TBCA: variants seen among roughly 807,000 people sequenced by gnomAD.
TBCA encodes tubulin folding cofactor A, also known as tubulin-specific chaperone A.
A neutral mutation model predicts 15.8 loss-of-function variants in TBCA; 6 were observed. The ratio of observed to expected loss-of-function variants is 0.38; its 90% confidence interval spans 0.21 to 0.75. The LOEUF is 0.75. Ranked by LOEUF, TBCA falls within the 30% of genes least tolerant of loss-of-function variation. The probability of loss-of-function intolerance (pLI) is 0.46; values close to 1 mark genes in which losing one functional copy is unlikely to be tolerated. For synonymous variants in TBCA, 32 were observed against 42.3 expected (o/e 0.76, Z 0.94); for missense variants, 90 against 131.2 (o/e 0.69, Z 1.53).
At chr5:77,757,071 A>C (rs1725469971) in intron 1 of TBCA, among the ~76,000 whole-genome samples, 1 of 152,162 alleles carries the variant, frequency 6.6e-6, no homozygotes, top group South Asian at 2.1e-4. Context: ...TTCTTTTTGC[A>C]AGTGTAAGGA....
chr5:77,736,241 C>A (rs1056071341), intron 1 of TBCA, among the ~76,000 whole-genome samples: 3 of 149,492 alleles, frequency 2.0e-5, no homozygotes, highest in African/African-American at 7.4e-5. Flanking sequence ...GAGGCTGAGG[C>A]AGAAGAATGG....
At chr5:77,711,440 C>T (rs368820008) in intron 1 of TBCA, among the ~76,000 whole-genome samples, 1 of 152,102 alleles carries the variant, frequency 6.6e-6, no homozygotes, top group South Asian at 2.1e-4. Context: ...CATTTACTTG[C>T]TAGGTCTTAA....
intron 1 of TBCA, 80 bp downstream of exon 1, chr5:77,776,125 G>T (rs1016254049): frequency 1.3e-6 from 2 of 1,527,174 alleles, no homozygotes; most frequent in South Asian, 1.2e-5. Context: ...GGGCCTCCTC[G>T]GGCCTGCGCT....
chr5:77,711,138 T>G (rs1746269729), intron 1 of TBCA, among the ~76,000 whole-genome samples: 1 of 152,214 alleles, frequency 6.6e-6, no homozygotes, highest in Admixed American at 6.5e-5. Flanking sequence ...GGCTAAAAAT[T>G]TTTTAAAAGA....
intron 1 of TBCA, among the ~76,000 whole-genome samples, chr5:77,721,497 AACTT>A (rs1294970573): frequency 1.3e-5 from 2 of 151,866 alleles, no homozygotes; most frequent in Non-Finnish European, 2.9e-5. Context: ...CATTCAGAAA[AACTT>A]AAGAGTTACA....
intron 1 of TBCA, among the ~76,000 whole-genome samples, chr5:77,762,788 GAA>G (rs992470721): frequency 3.3e-5 from 5 of 152,144 alleles, no homozygotes; most frequent in African/African-American, 1.2e-4. Flanking sequence ...AGGTAGGGCT[GAA>G]AGTCTCCCCT....
intron 1 of TBCA, among the ~76,000 whole-genome samples, chr5:77,757,956 G>C (rs1747514662): frequency 6.6e-6 from 1 of 152,092 alleles, no homozygotes; most frequent in South Asian, 2.1e-4. Flanking sequence ...CTCAATTCTT[G>C]CCTCCTCAGA....
chr5:77,728,472 T>C (rs1746680372), intron 1 of TBCA, among the ~76,000 whole-genome samples: 1 of 151,972 alleles, frequency 6.6e-6, no homozygotes, highest in African/African-American at 2.4e-5. Flanking sequence ...GGAACAATCA[T>C]AAAAAATCTG....
At chr5:77,747,832 T>C (rs1257147536) in intron 1 of TBCA, among the ~76,000 whole-genome samples, 1 of 152,162 alleles carries the variant, frequency 6.6e-6, no homozygotes, top group Non-Finnish European at 1.5e-5. Context: ...TAGATTTGTA[T>C]TGAAAAATGT....
intron 1 of TBCA, among the ~76,000 whole-genome samples, chr5:77,773,922 A>C (rs888837027): frequency 3.9e-5 from 6 of 152,210 alleles, no homozygotes; most frequent in African/African-American, 1.4e-4. Context: ...CTGAACAATA[A>C]AGTTCTAATG....
chr5:77,732,819 T>A (rs531300124), intron 1 of TBCA, among the ~76,000 whole-genome samples: 1 of 152,196 alleles, frequency 6.6e-6, no homozygotes, highest in South Asian at 2.1e-4. Context: ...TGAATGTGTA[T>A]ATTCTGACTG....
Position 77,770,038 on chromosome 5 carries a change from T to C in TBCA, c.53+6167A>G, listed in dbSNP as rs75412297. Among the ~76,000 whole-genome samples, 1,325 of 152,358 alleles carry C rather than the reference T, an allele frequency of 8.7e-3. 24 individuals carry two copies. The highest frequency in any genetic ancestry group is 0.03 in the African/African-American group (1,254 of 41,584). ...CAGTGAACTAGTTTAACAGGCTTTATTGAAAGCTGGCTTTAAAGTTAAATA... is the reference window on the plus strand; with the variant it reads ...CAGTGAACTAGTTTAACAGGCTTTACTGAAAGCTGGCTTTAAAGTTAAATA... On this transcript the variant is annotated intron_variant, in intron 1 of 3. Coordinates refer to ENST00000380377, the MANE Select transcript of TBCA (RefSeq NM_004607.3).
In TBCA at chr5:77,723,525, C is replaced by T. The variant is rs538676323; in HGVS notation, c.54-15178G>A. On this transcript the variant is annotated intron_variant, in intron 1 of 3. Coordinates refer to ENST00000380377, the MANE Select transcript of TBCA (RefSeq NM_004607.3). ...ACAGACTAAATGTCTAGCTTTAATG[C>T]TGTGAGAAACTGAACTTTGAAATTC... is the stretch of plus-strand genomic sequence containing the variant. Among the ~76,000 whole-genome samples the T allele has an allele frequency of 3.9e-5, 6 of 152,030 alleles. No homozygotes were observed. The South Asian group carries it at 1.2e-3, about 31-fold the overall frequency.
intron 1 of TBCA, among the ~76,000 whole-genome samples, chr5:77,727,239 G>GGA (rs1554044587): frequency 1.2e-5 from 1 of 81,042 alleles, no homozygotes; most frequent in Non-Finnish European, 2.3e-5. Context: ...TCTGTCTCAG[G>GGA]AAAAAAAAAA....
intron 3 of TBCA, chr5:77,691,997 TTACA>T (rs1745761843): frequency 1.2e-5 from 12 of 985,854 alleles, no homozygotes; most frequent in Non-Finnish European, 1.4e-5. Flanking sequence ...CTAATGGGTA[TTACA>T]TACCCTACAC....
intron 1 of TBCA, among the ~76,000 whole-genome samples, chr5:77,752,627 C>T (rs1159517837): frequency 7.2e-5 from 5 of 69,254 alleles, no homozygotes; most frequent in Non-Finnish European, 9.9e-5. Context: ...GGCGCAATCT[C>T]GGCTCACTGC....
At chr5:77,692,371 C>G in intron 3 of TBCA, 2 of 984,838 alleles carry the variant, frequency 2.0e-6, no homozygotes, top group Non-Finnish European at 2.4e-6. Context: ...TTAGTAAATA[C>G]AAGCTCTTCA....
chr5:77,732,705 ATAT>A (rs1746802867), intron 1 of TBCA, among the ~76,000 whole-genome samples: 2 of 151,914 alleles, frequency 1.3e-5, no homozygotes, highest in African/African-American at 4.8e-5. Context: ...CACTATTATT[ATAT>A]ATTTTACGGT....
chr5:77,705,612 G>A, intron 2 of TBCA: 1 of 398,620 alleles, frequency 2.5e-6, no homozygotes, highest in Non-Finnish European at 4.4e-6. Context: ...AGGATCACTG[G>A]AGGCCAGGAG....
Sources: allele counts gnomAD v4.1 joint callset (sites outside exome capture counted in the v4.1 genomes callset), GRCh38; gene constraint gnomAD v4.1.1; transcripts MANE v1.5; gene names NCBI Gene and HGNC (gene_info 2026-07-23, HGNC 2026-07-21).